The following TMEM114 variants were observed in gnomAD, a reference collection of about 807,000 sequenced individuals.
The protein encoded by TMEM114 is transmembrane protein 114.
In TMEM114, 6 loss-of-function variants were observed where a neutral mutation model predicts 6.2. The ratio of observed to expected loss-of-function variants is 0.97; its 90% CI spans 0.53 to 1.91. The LOEUF (loss-of-function observed/expected upper bound fraction) is 1.91, where lower values mean the gene tolerates loss of function less well. TMEM114 is among the 40% of genes most tolerant of loss of function. TMEM114 has a pLI of 0.01. For missense variants in TMEM114, 218 were observed against 158.3 expected (o/e 1.38, Z -2.02); for synonymous variants, 104 against 73.0 (o/e 1.42, Z -2.16).
chr16:8,562,964 G>C (rs1298292110), intron 2 of TMEM114, among the ~76,000 whole-genome samples: 1 of 90,754 alleles, frequency 1.1e-5, no homozygotes, highest in Admixed American at 1.2e-4. Flanking sequence ...GAGTGAATGA[G>C]TGAGAGAGTG....
Position 8,589,706 on chromosome 16 carries a change from G to A in TMEM114, c.133C>T (p.Pro45Ser), listed in dbSNP as rs897155856. The change falls in exon 1 of 4, where the codon CCG becomes TCG. Residue 45 changes from proline (P) to serine (S), a missense_variant. By Grantham distance (74) the Pro-to-Ser change is moderately conservative. Transcript: ENST00000620492. ...GACCCCAGCAGGTCCTGCGCCCCCG[G>A]GCCAGTCCTCTCCAGCCGCTCGGTG... ...IDTERLERTG[P>S]GAQDLLGSIN... The A allele has an allele frequency of 5.0e-6, 2 of 398,380 alleles. No individual in the cohort carries two copies. Among genetic ancestry groups the A allele is most frequent in the East Asian group, 7.1e-5 (2 of 28,074 alleles). The allele number at this position is 398,380 out of a possible 1,614,324, so 24.7% of individuals were successfully genotyped here.
At chr16:8,540,891 G>A (rs541561867) in intron 2 of TMEM114, among the ~76,000 whole-genome samples, 43 of 152,316 alleles carry the variant, frequency 2.8e-4, no homozygotes, top group Non-Finnish European at 4.7e-4. Context: ...AGGCTTCCCT[G>A]GAGAGTAAAG....
chr16:8,542,501 C>T (rs930173138), intron 2 of TMEM114, among the ~76,000 whole-genome samples: 1 of 152,134 alleles, frequency 6.6e-6, no homozygotes, highest in Non-Finnish European at 1.5e-5. Flanking sequence ...AGGATTGGGC[C>T]TGATTGAGCT....
At chr16:8,554,036 A>T (rs1301514425) in intron 2 of TMEM114, among the ~76,000 whole-genome samples, 1 of 151,868 alleles carries the variant, frequency 6.6e-6, no homozygotes, top group Non-Finnish European at 1.5e-5. Context: ...GCGCCACCAC[A>T]CCCAGTTAAT....
the TMEM114 span, among the ~76,000 whole-genome samples, chr16:8,526,847 G>T: frequency 6.6e-6 from 1 of 152,202 alleles, no homozygotes; most frequent in Non-Finnish European, 1.5e-5. Context: ...TATGAGTTAA[G>T]TTGGTGCTTT....
rs1901756499 is a variant in TMEM114 at position 8,572,173 on chromosome 16, A to G, written c.353T>C (p.Val118Ala). The G allele has an allele frequency of 6.4e-7, 1 of 1,551,450 alleles. No individual in the cohort carries two copies. Among genetic ancestry groups the G allele is most frequent in the African/African-American group, 1.4e-5 (1 of 72,988 alleles). Residue 118 changes from valine to alanine, a missense_variant, in exon 3 of 4, where the codon GTT becomes GCT. Transcript: ENST00000620492. Reference protein sequence around the residue: ...ILLPLSLILMVFGGMTGFLSF... With the variant: ...ILLPLSLILMAFGGMTGFLSF... ...CAGAAACCCCGTCATCCCCCCAAAA[A>G]CCATCAGGATCAGGCTGAGCGGCAG...
the TMEM114 span, among the ~76,000 whole-genome samples, chr16:8,531,228 T>G: frequency 6.6e-6 from 1 of 152,270 alleles, no homozygotes; most frequent in African/African-American, 2.4e-5. Flanking sequence ...AATGGCCTAA[T>G]TCATAAACCA....
intron 3 of TMEM114, among the ~76,000 whole-genome samples, chr16:8,570,221 C>T (rs1404783172): frequency 1.3e-5 from 2 of 152,236 alleles, no homozygotes; most frequent in East Asian, 1.9e-4. Flanking sequence ...CACATGGCAG[C>T]TCACGCTTCG....
chr16:8,554,122 AC>A (rs1308892905), intron 2 of TMEM114, among the ~76,000 whole-genome samples: 1 of 151,952 alleles, frequency 6.6e-6, no homozygotes, highest in Non-Finnish European at 1.5e-5. Context: ...CAGGTGATCC[AC>A]CCGACTTGGC....
intron 2 of TMEM114, among the ~76,000 whole-genome samples, chr16:8,556,257 C>A (rs1344880024): frequency 6.6e-6 from 1 of 152,186 alleles, no homozygotes; most frequent in East Asian, 1.9e-4. Context: ...TGCAGTTATA[C>A]CAGCCCCCGC....
At chr16:8,554,612 A>C (rs2141662337) in intron 2 of TMEM114, among the ~76,000 whole-genome samples, 1 of 152,226 alleles carries the variant, frequency 6.6e-6, no homozygotes, top group Admixed American at 6.5e-5. Context: ...GCTGGTGCAT[A>C]CTAAGTCTTC....
the TMEM114 span, among the ~76,000 whole-genome samples, chr16:8,529,837 G>C: frequency 1.3e-5 from 2 of 152,104 alleles, no homozygotes; most frequent in Admixed American, 1.3e-4. Flanking sequence ...TCTCCCCTAG[G>C]TGATTCTGAG....
At chr16:8,542,661 G>C (rs1900549505) in intron 2 of TMEM114, among the ~76,000 whole-genome samples, 1 of 152,144 alleles carries the variant, frequency 6.6e-6, no homozygotes, top group African/African-American at 2.4e-5. Flanking sequence ...AGTGTGCTTT[G>C]TAAATAAGCA....
At chr16:8,546,246 G>T (rs74792093) in intron 2 of TMEM114, among the ~76,000 whole-genome samples, 11,587 of 152,248 alleles carry the variant, frequency 0.076, 539 homozygotes, top group Middle Eastern at 0.18. Flanking sequence ...ATACTTTATA[G>T]AATTTCTTAA....
chr16:8,583,111 C>T (rs1446181396), intron 2 of TMEM114, among the ~76,000 whole-genome samples: 2 of 152,160 alleles, frequency 1.3e-5, no homozygotes, highest in Non-Finnish European at 2.9e-5. Context: ...GCCTCTTGGG[C>T]TGTTGTGAAG....
At chr16:8,587,716 C>T (rs1902358973) in intron 2 of TMEM114, among the ~76,000 whole-genome samples, 1 of 152,190 alleles carries the variant, frequency 6.6e-6, no homozygotes, top group Non-Finnish European at 1.5e-5. Flanking sequence ...ACTGCTCATG[C>T]CTATAATCTC....
chr16:8,543,553 C>T (rs192976789), intron 2 of TMEM114, among the ~76,000 whole-genome samples: 117 of 152,142 alleles, frequency 7.7e-4, no homozygotes, highest in African/African-American at 2.6e-3. Context: ...CCCCTCCCAC[C>T]GAAACATCAT....
chr16:8,557,166 G>C (rs1901040889), intron 2 of TMEM114, among the ~76,000 whole-genome samples: 1 of 152,138 alleles, frequency 6.6e-6, no homozygotes, highest in Non-Finnish European at 1.5e-5. Flanking sequence ...GGGAGGTTGA[G>C]GTCTATGTTC....
intron 2 of TMEM114, among the ~76,000 whole-genome samples, chr16:8,564,116 AG>A (rs1321641610): frequency 2.0e-5 from 3 of 151,402 alleles, no homozygotes; most frequent in South Asian, 4.1e-4. Flanking sequence ...GAAATAAGTA[AG>A]TGAATGAGTG....
Sources: allele counts gnomAD v4.1 joint callset (sites outside exome capture counted in the v4.1 genomes callset), GRCh38; gene constraint gnomAD v4.1.1; transcripts MANE v1.5; gene names NCBI Gene and HGNC (gene_info 2026-07-23, HGNC 2026-07-21).